The following PCDH12 variants were observed in gnomAD, a reference collection of about 807,000 sequenced individuals.
The protein encoded by PCDH12 is protocadherin 12.
Under a neutral mutation model 70.9 loss-of-function variants are expected in PCDH12, and 45 were observed. That is an observed-to-expected ratio of 0.63 (90% CI 0.50 to 0.81). The LOEUF (loss-of-function observed/expected upper bound fraction) is 0.81. Among genes scored for constraint, PCDH12 ranks in the 40% least tolerant of loss-of-function variants. The probability of loss-of-function intolerance (pLI) is 0.00; values close to 1 mark genes in which losing one functional copy is unlikely to be tolerated. For missense variants in PCDH12, 1,370 were observed against 1,491.7 expected (o/e 0.92, Z 1.34); for synonymous variants, 567 against 626.0 (o/e 0.91, Z 1.41).
Position 141,945,761 on chromosome 5 carries a change from C to CCGGGT in PCDH12, c.3174_3175insACCCG (p.Ala1059ThrfsTer17). 6.2e-7 allele frequency: 1 copy of CCGGGT among 1,613,782 alleles called. No individual in the cohort carries two copies. On this transcript the variant is annotated frameshift_variant, in exon 4 of 4. Coordinates refer to ENST00000231484, the MANE Select transcript of PCDH12 (RefSeq NM_016580.4). LOFTEE classifies it high-confidence loss of function. Reference sequence around the variant, plus strand: ...GTGGTGAGGGGCAAAGAGAGTCTCGCCATCCAGGCCGGGTCAGGGGCGCTC... The same window carrying CCGGGT: ...GTGGTGAGGGGCAAAGAGAGTCTCGCCGGGTCATCCAGGCCGGGTCAGGGGCGCTC...
In PCDH12 at chr5:141,944,190, C is replaced by T. The variant is rs188319954; in HGVS notation, c.*1191G>A. On this transcript the variant is annotated 3_prime_UTR_variant, in exon 4 of 4. Coordinates refer to ENST00000231484, the MANE Select transcript of PCDH12 (RefSeq NM_016580.4). ...CTGCTGTCAGTGCCGATTTCATAGACCCAGTTCACACAGCGTCCTCTGGGA... is the reference window on the plus strand; with the variant it reads ...CTGCTGTCAGTGCCGATTTCATAGATCCAGTTCACACAGCGTCCTCTGGGA... 1.3e-5 allele frequency: 2 copies of T among 152,362 alleles called. No homozygotes were observed. The highest frequency in any genetic ancestry group is 2.4e-5 in the African/African-American group (1 of 41,576). The allele number at this position is 152,362 out of a possible 1,614,324, so 9.4% of individuals were successfully genotyped here.
chr5:141,954,169 C>T (rs1451883356), intron 1 of PCDH12, among the ~76,000 whole-genome samples: 1 of 152,180 alleles, frequency 6.6e-6, no homozygotes, highest in Non-Finnish European at 1.5e-5. Flanking sequence ...TTGCCCAGCT[C>T]CTAAGTGGCT....
At position 141,956,543 on chromosome 5, in the gene PCDH12, G is replaced by A. The variant is rs770605316; in HGVS notation, c.1309C>T (p.Leu437Phe). 6.2e-7 allele frequency: 1 copy of A among 1,614,224 alleles called. No homozygotes were observed. The highest frequency in any genetic ancestry group is 1.7e-5 in the Admixed American group (1 of 60,030). The change falls in exon 1 of 4, where the codon CTC becomes TTC. Residue 437 changes from leucine to phenylalanine, a missense_variant. By Grantham distance (22) the Leu-to-Phe change is conservative (BLOSUM62 0). Coordinates refer to ENST00000231484, the MANE Select transcript of PCDH12 (RefSeq NM_016580.4). ...TGTTTCTTGGCTGATAAGGGCTGGA[G>A]TCCTTGGTCTTGGGCTAACAGAGTG... ...TLTLLAQDQG[L>F]QPLSAKKQLS... is the part of the protein sequence containing the mutation.
chr5:141,943,597 C>G lies in PCDH12; in HGVS notation c.*1784G>C, dbSNP rs971837998. On this transcript the variant is annotated 3_prime_UTR_variant, in exon 4 of 4. Transcript: ENST00000231484. ...GCTCCAATATGGATAAAAGGGGCCT[C>G]TGAAGCATTTATTGACACATTTATT... 1 of 152,198 alleles carries G rather than the reference C, an allele frequency of 6.6e-6. No individual in the cohort carries two copies. The highest frequency in any genetic ancestry group is 1.5e-5 in the Non-Finnish European group (1 of 68,032). 9.4% of individuals were successfully genotyped at this position (152,198 alleles called of 1,614,324 possible). A position where few individuals can be genotyped will look rare whatever the true frequency, so the allele number is the denominator to read the frequency against.
chr5:141,951,708 G>A (rs760369288), intron 1 of PCDH12, 118 bp from the exon 2 acceptor site: 22 of 775,644 alleles, frequency 2.8e-5, no homozygotes, highest in African/African-American at 8.5e-5. Flanking sequence ...GGCTTCAGAT[G>A]TTTGTGTGAT....
chr5:141,945,903 G>T (rs1752910587), intron 3 of PCDH12, 98 bp from the exon 4 acceptor site: 16 of 1,116,546 alleles, frequency 1.4e-5, no homozygotes, highest in Non-Finnish European at 1.7e-5. Context: ...GTGGACAAAG[G>T]AGGGAAGGGA....
In PCDH12 at chr5:141,955,614, G is replaced by C; in HGVS notation, c.2238C>G (p.Asp746Glu). ...CCTCCCGACAGTTGTAGGCCCTGTT[G>C]TCCTTCTTTTCTGTCCGGCAGATGG... The part of the protein sequence containing the change: ...FMSICRTEKK[D>E]NRAYNCREAE... Residue 746 changes from aspartate to glutamate, a missense_variant, in exon 1 of 4, where the codon GAC (aspartate) becomes GAG (glutamate). Transcript: ENST00000231484. This position sits in a 1 kb window ranked among gnomAD's most constrained non-coding sequence, Gnocchi z 5.5. 1 of 1,614,112 alleles carries C rather than the reference G, an allele frequency of 6.2e-7. No individual in the cohort carries two copies. The highest frequency in any genetic ancestry group is 8.5e-7 in the Non-Finnish European group (1 of 1,180,044).
At position 141,957,343 on chromosome 5, in the gene PCDH12, T is replaced by C. The variant is rs1315401516; in HGVS notation, c.509A>G (p.His170Arg). The C allele has an allele frequency of 1.2e-6, 2 of 1,613,672 alleles. No individual in the cohort carries two copies. Among genetic ancestry groups the C allele is most frequent in the Admixed American group, 1.7e-5 (1 of 59,976 alleles). The change falls in exon 1 of 4, where the codon CAC (histidine) becomes CGC (arginine). Residue 170 changes from histidine to arginine, a missense_variant. By Grantham distance (29) the His-to-Arg change is conservative (BLOSUM62 0). Coordinates refer to ENST00000231484, the MANE Select transcript of PCDH12 (RefSeq NM_016580.4). The surrounding 1 kb of genome is among the most constrained non-coding windows in gnomAD (Gnocchi z 4.3). ...LDPDTGPNTLHTYTLSPSEHF... is the reference protein window; with the variant it reads ...LDPDTGPNTLRTYTLSPSEHF... ...CTCACTGGGAGACAGAGTGTAGGTGTGCAGGGTGTTAGGGCCTGTGTCTGG... is the reference window on the plus strand; with the variant it reads ...CTCACTGGGAGACAGAGTGTAGGTGCGCAGGGTGTTAGGGCCTGTGTCTGG...
intron 1 of PCDH12, among the ~76,000 whole-genome samples, chr5:141,951,913 A>G (rs950234099): frequency 2.0e-5 from 3 of 152,204 alleles, no homozygotes; most frequent in African/African-American, 7.2e-5. Context: ...GCATTTCCTG[A>G]CCATCAATTT....
chr5:141,945,792 G>C lies in PCDH12; in HGVS notation c.3144C>G (p.Asp1048Glu). ...LLDPSTGLAL[D>E]RLSAPDPAWM... is the part of the protein sequence containing the mutation. ...AGGCCGGGTCAGGGGCGCTCAGCCG[G>C]TCCAGGGCCAGACCTGTGGGGGAAG... The change falls in exon 4 of 4, where the codon GAC (aspartate) becomes GAG (glutamate). Residue 1048 changes from aspartate to glutamate, a missense_variant. Coordinates refer to ENST00000231484, the MANE Select transcript of PCDH12 (RefSeq NM_016580.4). 1 of 1,612,346 alleles carries C rather than the reference G, an allele frequency of 6.2e-7. No homozygotes were observed. The highest frequency in any genetic ancestry group is 8.5e-7 in the Non-Finnish European group (1 of 1,179,460).
At chr5:141,946,724 G>A (rs955087749) in intron 3 of PCDH12, among the ~76,000 whole-genome samples, 1 of 152,172 alleles carries the variant, frequency 6.6e-6, no homozygotes, top group African/African-American at 2.4e-5. Context: ...AGTCAGCCTG[G>A]TGGCTGGGAA....
At chr5:141,954,928 G>A (rs1336224155) in intron 1 of PCDH12, 44 bp downstream of exon 1, 2 of 1,558,590 alleles carry the variant, frequency 1.3e-6, no homozygotes, top group Non-Finnish European at 1.7e-6. Flanking sequence ...TGTTTCTGGT[G>A]GTCCAGGAGT....
At position 141,945,666 on chromosome 5, in the gene PCDH12, G is replaced by C; in HGVS notation, c.3270C>G (p.Phe1090Leu). 6.2e-7 allele frequency: 1 copy of C among 1,614,196 alleles called. No homozygotes were observed. The highest frequency in any genetic ancestry group is 1.1e-5 in the South Asian group (1 of 91,082). ...TCAGCTCTGGTGCCTCTGCCTTGCCGAACGTCTGGAAGGTCCTTGGCTCCT... is the reference window on the plus strand; with the variant it reads ...TCAGCTCTGGTGCCTCTGCCTTGCCCAACGTCTGGAAGGTCCTTGGCTCCT... ...ATEEPRTFQT[F>L]GKAEAPELSP... Residue 1090 changes from phenylalanine to leucine, a missense_variant, in exon 4 of 4, where the codon TTC (phenylalanine) becomes TTG (leucine). Coordinates refer to ENST00000231484, the MANE Select transcript of PCDH12 (RefSeq NM_016580.4).
chr5:141,955,539 C>A lies in PCDH12; in HGVS notation c.2313G>T (p.Gln771His). ...CAGGCACGAGGTGGATGTCTGCCTT[C>A]TGAATGTGTTTCTGGGGCCTCTTGG... ...QQPKRPQKHI[Q>H]KADIHLVPVL... Residue 771 changes from glutamine (Q) to histidine (H), a missense_variant, in exon 1 of 4, where the codon CAG (glutamine) becomes CAT (histidine). Transcript: ENST00000231484. This position sits in a 1 kb window ranked among gnomAD's most constrained non-coding sequence, Gnocchi z 5.5. 6.2e-7 allele frequency: 1 copy of A among 1,614,168 alleles called. No individual in the cohort carries two copies. The highest frequency in any genetic ancestry group is 8.5e-7 in the Non-Finnish European group (1 of 1,180,040).
In PCDH12 at chr5:141,954,954, T is replaced by A; in HGVS notation, c.2880+18A>T. 1 of 1,596,730 alleles carries A rather than the reference T, an allele frequency of 6.3e-7. No homozygotes were observed. Among genetic ancestry groups the A allele is most frequent in the Non-Finnish European group, 8.5e-7 (1 of 1,169,814 alleles). Reference sequence around the variant, plus strand: ...GTCCAGGAGTGACCAGAGAAAGAGCTGCCCATGCCCCAGGTACCTGAACAG... The same window carrying A: ...GTCCAGGAGTGACCAGAGAAAGAGCAGCCCATGCCCCAGGTACCTGAACAG... On this transcript the variant is annotated intron_variant, in intron 1 of 3. Transcript: ENST00000231484.
At chr5:141,949,060 A>AG (rs1753015535) in intron 3 of PCDH12, among the ~76,000 whole-genome samples, 1 of 151,492 alleles carries the variant, frequency 6.6e-6, no homozygotes. Context: ...AAAAAAAAAA[A>AG]AAAATCAAAA....
chr5:141,949,298 A>G (rs965430335), intron 3 of PCDH12, 134 bp downstream of exon 3: 1 of 1,487,752 alleles, frequency 6.7e-7, no homozygotes, highest in Non-Finnish European at 8.9e-7. Context: ...CAAGGGTGCA[A>G]GGGAAGTTAA....
In PCDH12 at chr5:141,944,936, C is replaced by T. The variant is rs749422913; in HGVS notation, c.*445G>A. On this transcript the variant is annotated 3_prime_UTR_variant, in exon 4 of 4. Coordinates refer to ENST00000231484, the MANE Select transcript of PCDH12 (RefSeq NM_016580.4). ...AACCCCACTCTATTACTCTTCCCTT[C>T]TCCCTCTTGACAGGTGCAAACAGGA... is the stretch of plus-strand genomic sequence containing the variant. 1.9e-4 allele frequency: 33 copies of T among 171,700 alleles called. No homozygotes were observed. Among genetic ancestry groups the T allele is most frequent in the Non-Finnish European group, 3.4e-4 (27 of 80,064 alleles). The allele number at this position is 171,700 out of a possible 1,614,324, so 10.6% of individuals were successfully genotyped here.
chr5:141,952,322 G>T (rs1753100682), intron 1 of PCDH12: 1 of 152,318 alleles, frequency 6.6e-6, no homozygotes, highest in Non-Finnish European at 1.5e-5. Context: ...ACTTGGAGCA[G>T]GGAGGAAGCA....
Sources: allele counts gnomAD v4.1 joint callset (sites outside exome capture counted in the v4.1 genomes callset), GRCh38; gene constraint gnomAD v4.1.1; non-coding constraint Gnocchi (gnomAD v3.1); transcripts MANE v1.5; gene names NCBI Gene and HGNC (gene_info 2026-07-23, HGNC 2026-07-21).